CFAP20DC: variants seen among roughly 807,000 people sequenced by gnomAD.
CFAP20DC encodes the protein protein CFAP20DC.
CFAP20DC carries 84 observed loss-of-function variants against 101.7 expected under a neutral mutation model. The ratio of observed to expected loss-of-function variants is 0.83; its 90% CI spans 0.69 to 0.99. The LOEUF is 0.99. Among genes scored for constraint, CFAP20DC ranks in the 50% least tolerant of loss-of-function variants. CFAP20DC has a pLI of 0.00. For synonymous variants in CFAP20DC, 359 were observed against 351.2 expected, an observed-to-expected ratio of 1.02 and a Z score of -0.25; for missense variants, 1,007 against 970.3, an observed-to-expected ratio of 1.04 and a Z score of -0.50.
intron 4 of CFAP20DC, among the ~76,000 whole-genome samples, chr3:59,013,086 T>C (rs2093621166): frequency 1.3e-5 from 2 of 152,156 alleles, no homozygotes; most frequent in Non-Finnish European, 1.5e-5. Context: ...AGGAGCAAAT[T>C]AGCTGAGTCT....
rs767204319 is a variant in CFAP20DC, at chr3:58,717,562, A to G, written c.*26T>C. On this transcript the variant is annotated 3_prime_UTR_variant, in exon 4 of 4. Coordinates refer to the CFAP20DC transcript ENST00000486145. This position sits in a 1 kb window ranked among gnomAD's most constrained non-coding sequence, Gnocchi z 4.1. ...CCCACACTTCCAGGTTCTTGTCCTG[A>G]TATCTTTAGAGTGTGAGTTTTGCCT... is the stretch of plus-strand genomic sequence containing the variant. 9.0e-6 allele frequency: 4 copies of G among 446,534 alleles called. No individual in the cohort carries two copies. Among genetic ancestry groups the G allele is most frequent in the African/African-American group, 4.1e-5 (2 of 49,268 alleles). 27.7% of individuals were successfully genotyped at this position (446,534 alleles called of 1,614,324 possible). A position where few individuals can be genotyped will look rare whatever the true frequency, so the allele number is the denominator to read the frequency against.
At chr3:59,045,821 T>G (rs1040649564) in intron 3 of CFAP20DC, among the ~76,000 whole-genome samples, 73 of 152,150 alleles carry the variant, frequency 4.8e-4, no homozygotes, top group African/African-American at 1.7e-3. Flanking sequence ...GCTGATTTTA[T>G]TTCAAAGTTT....
chr3:59,047,557 C>T (rs1379797901), intron 1 of CFAP20DC, among the ~76,000 whole-genome samples: 2 of 152,190 alleles, frequency 1.3e-5, no homozygotes, highest in African/African-American at 4.8e-5. Flanking sequence ...ACATACAGAT[C>T]ATTCTTGCAA....
chr3:58,725,464 G>A (rs1559524760), intron 3 of CFAP20DC, among the ~76,000 whole-genome samples: 1 of 152,198 alleles, frequency 6.6e-6, no homozygotes, highest in Non-Finnish European at 1.5e-5. Flanking sequence ...ACAGTGACTA[G>A]TCACTGGGTC....
At chr3:58,770,287 T>C (rs1015960503) in intron 15 of CFAP20DC, among the ~76,000 whole-genome samples, 1 of 152,230 alleles carries the variant, frequency 6.6e-6, no homozygotes, top group African/African-American at 2.4e-5. Flanking sequence ...GTTATCATCA[T>C]AGTTGCTTTA....
intron 5 of CFAP20DC, among the ~76,000 whole-genome samples, chr3:58,933,186 T>A (rs1194784944): frequency 2.6e-5 from 4 of 152,042 alleles, no homozygotes. Flanking sequence ...GGCCATTACA[T>A]AATGGTAAAG....
At chr3:59,012,679 A>T (rs1424844780) in intron 4 of CFAP20DC, among the ~76,000 whole-genome samples, 1 of 152,222 alleles carries the variant, frequency 6.6e-6, no homozygotes, top group Non-Finnish European at 1.5e-5. Flanking sequence ...ACTGCATTAT[A>T]ATTTTTTACA....
intron 15 of CFAP20DC, among the ~76,000 whole-genome samples, chr3:58,776,579 T>G (rs975443081): frequency 7.9e-5 from 12 of 151,380 alleles, no homozygotes; most frequent in African/African-American, 2.7e-4. Context: ...TTTACTGTTC[T>G]TTGTTGAAGA....
In CFAP20DC at chr3:58,922,749, T is replaced by G. The variant is rs571097195; in HGVS notation, c.394-8885A>C. Among the ~76,000 whole-genome samples the G allele has an allele frequency of 3.9e-4, 59 of 152,264 alleles. 1 individual carries two copies. Among genetic ancestry groups the G allele is most frequent in the African/African-American group, 1.4e-3 (57 of 41,556 alleles). On this transcript the variant is annotated intron_variant, in intron 5 of 16. Transcript: ENST00000482387. ...CTTTTTTGTTTATAAATTATCCAGCTTCAGATATTCCTTTATAGCAACACA... is the reference window on the plus strand; with the variant it reads ...CTTTTTTGTTTATAAATTATCCAGCGTCAGATATTCCTTTATAGCAACACA...
intron 5 of CFAP20DC, among the ~76,000 whole-genome samples, chr3:58,920,782 G>A (rs2085279900): frequency 1.3e-5 from 2 of 152,058 alleles, no homozygotes. Context: ...GTCTGATTTT[G>A]TATCAATTAC....
chr3:58,813,245 G>C (rs1344862846), intron 14 of CFAP20DC, among the ~76,000 whole-genome samples: 1 of 151,798 alleles, frequency 6.6e-6, no homozygotes, highest in African/African-American at 2.4e-5. Flanking sequence ...AAACATAGCT[G>C]AACAACTATA....
At chr3:58,751,338 G>C (rs1156848311) in intron 16 of CFAP20DC, among the ~76,000 whole-genome samples, 3 of 152,330 alleles carry the variant, frequency 2.0e-5, no homozygotes, top group East Asian at 3.9e-4. Flanking sequence ...ACTTAGGTAA[G>C]ACTGTCTGGG....
Position 58,820,368 on chromosome 3 carries a change from C to T in CFAP20DC, c.2175+11318G>A, listed in dbSNP as rs368939547. ...AAGTCAAATTGTCCCTGTTTGCAGA[C>T]GACATGATTGTATATCTAGAAAACC... On this transcript the variant is annotated intron_variant, in intron 14 of 16. Transcript: ENST00000482387. 7.5e-3 allele frequency among the ~76,000 whole-genome samples: 1,120 copies of T among 149,230 alleles called. 9 individuals are homozygous for T. Among genetic ancestry groups the T allele is most frequent in the African/African-American group, 0.023 (920 of 40,240 alleles).
rs1049342795 is a variant in CFAP20DC at position 58,867,861 on chromosome 3, A to G, written c.1091T>C (p.Leu364Ser). Residue 364 changes from leucine to serine, a missense_variant, in exon 10 of 17, where the codon TTA (leucine) becomes TCA (serine). Leu to Ser is a moderately radical substitution (Grantham distance 145, BLOSUM62 -2). Coordinates refer to ENST00000482387, the MANE Select transcript of CFAP20DC (RefSeq NM_001394063.1). ...SADKNNNRRR[L>S]RLKSTSRERT... The stretch of plus-strand genomic sequence containing the variant: ...TTCTCTGCTGGTACTTTTTAACCGT[A>G]ATCTTCTTCTGTTATTATTCTTATC... 4 of 1,613,590 alleles carry G rather than the reference A, an allele frequency of 2.5e-6. No homozygotes were observed. The highest frequency in any genetic ancestry group is 2.5e-6 in the Non-Finnish European group (3 of 1,179,656).
chr3:58,951,197 C>T (rs1337093878), intron 4 of CFAP20DC, among the ~76,000 whole-genome samples: 1 of 152,164 alleles, frequency 6.6e-6, no homozygotes. Context: ...CAAATCAAAA[C>T]CACAATGAGA....
At position 58,853,719 on chromosome 3, in the gene CFAP20DC, A is replaced by G. The variant is rs1019060565; in HGVS notation, c.1594-4310T>C. On this transcript the variant is annotated intron_variant, in intron 12 of 16. Coordinates refer to ENST00000482387, the MANE Select transcript of CFAP20DC (RefSeq NM_001394063.1). ...AAATGTAATCCAGCACATAAACAGAACCAAAGACAAAAACCACATGATTAT... is the reference window on the plus strand; with the variant it reads ...AAATGTAATCCAGCACATAAACAGAGCCAAAGACAAAAACCACATGATTAT... Among the ~76,000 whole-genome samples, 9 of 152,296 alleles carry G rather than the reference A, an allele frequency of 5.9e-5. No homozygotes were observed. In the South Asian group the frequency reaches 1.5e-3, roughly 25 times the overall value.
In CFAP20DC at chr3:58,770,192, A is replaced by G. The variant is rs752219044; in HGVS notation, c.2238-16329T>C. 5.3e-5 allele frequency among the ~76,000 whole-genome samples: 8 copies of G among 152,226 alleles called. No homozygotes were observed. In the South Asian group the frequency reaches 1.0e-3, roughly 20 times the overall value. On this transcript the variant is annotated intron_variant, in intron 15 of 16. Coordinates refer to ENST00000482387, the MANE Select transcript of CFAP20DC (RefSeq NM_001394063.1). Reference sequence around the variant, plus strand: ...GCACAAATCCAGACATCAGGCATTGAACTCAAGAATACGTGAACAGTAATA... The same window carrying G: ...GCACAAATCCAGACATCAGGCATTGGACTCAAGAATACGTGAACAGTAATA...
rs1308447731 is a variant in CFAP20DC at position 59,006,769 on chromosome 3, C to T, written c.278+32788G>A. ...GGGGTCACAAGATGAATGAAGCTTC[C>T]AACTAAATTTTGTAATAGTTTCAAC... is the stretch of plus-strand genomic sequence containing the variant. On this transcript the variant is annotated intron_variant, in intron 4 of 16. Transcript: ENST00000482387. The surrounding 1 kb of genome is among the most constrained non-coding windows in gnomAD (Gnocchi z 4.3). 6.6e-6 allele frequency among the ~76,000 whole-genome samples: 1 copy of T among 152,094 alleles called. No individual in the cohort carries two copies. The highest frequency in any genetic ancestry group is 2.4e-5 in the African/African-American group (1 of 41,422).
intron 5 of CFAP20DC, among the ~76,000 whole-genome samples, chr3:58,933,630 A>C (rs983691141): frequency 6.6e-6 from 1 of 152,166 alleles, no homozygotes; most frequent in Non-Finnish European, 1.5e-5. Flanking sequence ...ACTCAAAACC[A>C]CTCAACTACA....
Sources: allele counts gnomAD v4.1 joint callset (sites outside exome capture counted in the v4.1 genomes callset), GRCh38; gene constraint gnomAD v4.1.1; non-coding constraint Gnocchi (gnomAD v3.1); transcripts MANE v1.5; gene names NCBI Gene and HGNC (gene_info 2026-07-23, HGNC 2026-07-21).